TIMP3: variants seen among roughly 807,000 people sequenced by gnomAD.
The protein encoded by TIMP3 is metalloproteinase inhibitor 3.
Under a neutral mutation model 30.0 loss-of-function variants are expected in TIMP3, and 11 were observed. That is an observed-to-expected ratio of 0.37 (90% CI 0.23 to 0.61). The LOEUF (loss-of-function observed/expected upper bound fraction) is 0.61. Ranked by LOEUF, TIMP3 falls within the 20% of genes least tolerant of loss-of-function variation. The pLI is 0.70. For missense variants in TIMP3, 181 were observed against 276.8 expected (o/e 0.65, Z 2.45); for synonymous variants, 112 against 111.3 (o/e 1.01, Z -0.04).
At chr22:32,838,955 AAG>A (rs1205038265) in intron 1 of TIMP3, among the ~76,000 whole-genome samples, 1 of 151,446 alleles carries the variant, frequency 6.6e-6, no homozygotes, top group African/African-American at 2.4e-5. Context: ...TGCTGGAAGA[AAG>A]AGAGGAAAGC....
intron 1 of TIMP3, among the ~76,000 whole-genome samples, chr22:32,811,671 G>A (rs995004311): frequency 4.6e-5 from 7 of 152,178 alleles, no homozygotes; most frequent in African/African-American, 1.4e-4. Flanking sequence ...ACTTCGCAAC[G>A]AGGAAAGCAG....
chr22:32,823,119 G>A (rs1024905835), intron 1 of TIMP3, among the ~76,000 whole-genome samples: 1 of 152,178 alleles, frequency 6.6e-6, no homozygotes, highest in Non-Finnish European at 1.5e-5. Context: ...TCAGATAAAA[G>A]AACAATGGTG....
chr22:32,851,703 C>T (rs1380080770), intron 2 of TIMP3, among the ~76,000 whole-genome samples: 2 of 152,190 alleles, frequency 1.3e-5, no homozygotes, highest in Non-Finnish European at 2.9e-5. Flanking sequence ...GCTGAGGCAT[C>T]GGAATTTCTT....
chr22:32,841,102 G>T (rs547491895), intron 1 of TIMP3, among the ~76,000 whole-genome samples: 6 of 152,304 alleles, frequency 3.9e-5, no homozygotes, highest in African/African-American at 1.4e-4. Flanking sequence ...TCTGTGTGTG[G>T]CACTTTATAC....
At chr22:32,824,957 T>C (rs1245708346) in intron 1 of TIMP3, among the ~76,000 whole-genome samples, 1 of 152,134 alleles carries the variant, frequency 6.6e-6, no homozygotes, top group Non-Finnish European at 1.5e-5. Context: ...GCAGTGACTT[T>C]ATGACATAAA....
intron 1 of TIMP3, among the ~76,000 whole-genome samples, chr22:32,833,273 G>A (rs1411190881): frequency 6.6e-6 from 1 of 152,178 alleles, no homozygotes; most frequent in African/African-American, 2.4e-5. Flanking sequence ...GTCATAAGCA[G>A]GGAGAGACCA....
intron 2 of TIMP3, 100 bp from the exon 3 acceptor site, chr22:32,857,149 G>T (rs772081144): frequency 1.1e-6 from 1 of 912,084 alleles, no homozygotes. Flanking sequence ...TCCATATTCC[G>T]ATTTCCTTTC....
intron 1 of TIMP3, among the ~76,000 whole-genome samples, chr22:32,821,896 C>T (rs1252503481): frequency 1.3e-5 from 2 of 152,200 alleles, no homozygotes; most frequent in Non-Finnish European, 2.9e-5. Context: ...TGGCTCACGC[C>T]TGTAATCTCA....
At chr22:32,829,859 C>T (rs1272080494) in intron 1 of TIMP3, among the ~76,000 whole-genome samples, 2 of 152,248 alleles carry the variant, frequency 1.3e-5, no homozygotes, top group African/African-American at 4.8e-5. Context: ...ACACCCCACC[C>T]TTGGGTAGAA....
intron 2 of TIMP3, 68 bp downstream of exon 2, chr22:32,849,602 G>T: frequency 1.4e-6 from 2 of 1,434,054 alleles, no homozygotes; most frequent in African/African-American, 2.8e-5. Flanking sequence ...CCTGGCTAAG[G>T]GAGGCAAAGT....
At chr22:32,856,643 T>C (rs888187566) in intron 2 of TIMP3, among the ~76,000 whole-genome samples, 1 of 152,214 alleles carries the variant, frequency 6.6e-6, no homozygotes, top group South Asian at 2.1e-4. Context: ...ACCTTAAACA[T>C]TTATCGTTTC....
At chr22:32,802,783 C>T (rs187741509) in intron 1 of TIMP3, among the ~76,000 whole-genome samples, 1 of 152,140 alleles carries the variant, frequency 6.6e-6, no homozygotes, top group African/African-American at 2.4e-5. Flanking sequence ...GCAGAAGGTG[C>T]GAGGGGTCAC....
At chr22:32,810,400 T>C (rs1470835604) in intron 1 of TIMP3, among the ~76,000 whole-genome samples, 2 of 152,098 alleles carry the variant, frequency 1.3e-5, no homozygotes, top group African/African-American at 4.8e-5. Context: ...TATAAGTGTT[T>C]CCAAGCCTGC....
In TIMP3 at chr22:32,813,639, G is replaced by A. The variant is rs373611789; in HGVS notation, c.121+11517G>A. Among the ~76,000 whole-genome samples the A allele has an allele frequency of 3.8e-4, 57 of 150,850 alleles. 2 individuals are homozygous for A. In the South Asian group the frequency reaches 0.011, roughly 30 times the overall value. On this transcript the variant is annotated intron_variant, in intron 1 of 4. Transcript: ENST00000266085. ...TTTCTAGAATCTCCTTTCAATTCTC[G>A]GATCTCTGAGTGAGTAACACCCAAT...
intron 1 of TIMP3, among the ~76,000 whole-genome samples, chr22:32,848,708 T>C (rs1364306254): frequency 6.6e-6 from 1 of 152,234 alleles, no homozygotes; most frequent in African/African-American, 2.4e-5. Context: ...ATTAGTATCA[T>C]TATGATTCCT....
intron 1 of TIMP3, among the ~76,000 whole-genome samples, chr22:32,844,758 G>A (rs1184793923): frequency 1.3e-5 from 2 of 151,242 alleles, no homozygotes; most frequent in Admixed American, 6.6e-5. Flanking sequence ...CACCCAGGCT[G>A]GAGTGTAATG....
At chr22:32,847,155 T>C (rs2048089057) in intron 1 of TIMP3, among the ~76,000 whole-genome samples, 2 of 152,188 alleles carry the variant, frequency 1.3e-5, no homozygotes, top group Non-Finnish European at 2.9e-5. Flanking sequence ...TCCAAATCAT[T>C]TCAGGAAGAA....
In TIMP3 at chr22:32,817,649, T is replaced by C. The variant is rs58627239; in HGVS notation, c.121+15527T>C. On this transcript the variant is annotated intron_variant, in intron 1 of 4. Coordinates refer to ENST00000266085, the MANE Select transcript of TIMP3 (RefSeq NM_000362.5). ...TTCAAGGTCACACATTTGCCAGATT[T>C]AAAGTTCCTTCCTGTGGTCATGACT... Among the ~76,000 whole-genome samples the C allele has an allele frequency of 7.0e-3, 1,066 of 152,330 alleles. 14 individuals carry two copies. The highest frequency in any genetic ancestry group is 0.025 in the African/African-American group (1,036 of 41,572).
At chr22:32,845,991 C>T (rs2048051588) in intron 1 of TIMP3, among the ~76,000 whole-genome samples, 1 of 152,132 alleles carries the variant, frequency 6.6e-6, no homozygotes, top group South Asian at 2.1e-4. Flanking sequence ...ATAGGTGGAT[C>T]TGGGGTTGGC....
Sources: gnomAD v4.1 joint callset for allele counts (sites outside exome capture counted in the v4.1 genomes callset) on GRCh38, gnomAD v4.1.1 for gene constraint, MANE v1.5 for transcripts, NCBI Gene and HGNC (gene_info 2026-07-23, HGNC 2026-07-21) for gene names.